RPSA2: variants seen among roughly 807,000 people sequenced by gnomAD.
The protein encoded by RPSA2 is ribosomal protein SA 2, also known as small ribosomal subunit protein uS2B.
chr19:23,783,388 C>T, the RPSA2 span, among the ~76,000 whole-genome samples: 1 of 152,040 alleles, frequency 6.6e-6, no homozygotes, highest in Non-Finnish European at 1.5e-5. Flanking sequence ...TGCCACCACA[C>T]CTGGCTGGAA....
At chr19:23,827,345 G>T in the RPSA2 span, 2 of 1,587,342 alleles carry the variant, frequency 1.3e-6, no homozygotes, top group Non-Finnish European at 1.7e-6. Flanking sequence ...TCTGCTGGCA[G>T]CTCGTGCTAT....
At chr19:23,857,600 C>G in the RPSA2 span, among the ~76,000 whole-genome samples, 1 of 147,492 alleles carries the variant, frequency 6.8e-6, no homozygotes, top group South Asian at 2.2e-4. Flanking sequence ...AAGAGATTCT[C>G]CTGCCTCAGC....
the RPSA2 span, chr19:23,832,587 C>T: frequency 1.7e-6 from 2 of 1,186,526 alleles, no homozygotes; most frequent in Non-Finnish European, 2.3e-6. Context: ...TTTAGCCAGT[C>T]CCCATACCTT....
At chr19:23,832,203 CA>C in the RPSA2 span, 1 of 427,826 alleles carries the variant, frequency 2.3e-6, no homozygotes, top group Middle Eastern at 3.6e-4. Context: ...AGAGGATGCA[CA>C]GAAGAAAGAA....
the RPSA2 span, chr19:23,843,376 G>T: frequency 6.5e-6 from 1 of 154,750 alleles, no homozygotes; most frequent in Non-Finnish European, 1.5e-5. Flanking sequence ...TGCTTCAATG[G>T]AAAGGTTCCT....
chr19:23,793,205 GCTTTCTTTTTTT>G, the RPSA2 span, among the ~76,000 whole-genome samples: 1 of 148,300 alleles, frequency 6.7e-6, no homozygotes, highest in Non-Finnish European at 1.5e-5. Context: ...GAAAGAGGTG[GCTTTCTTTTTTT>G]TTTTTTTTTT....
the RPSA2 span, among the ~76,000 whole-genome samples, chr19:23,852,346 AC>A: frequency 0.01 from 1 of 98 alleles, no homozygotes; most frequent in Non-Finnish European, 0.062. Context: ...GGAATTAAAG[AC>A]ACACACACAC....
the RPSA2 span, among the ~76,000 whole-genome samples, chr19:23,805,794 T>TA: frequency 6.6e-6 from 1 of 152,180 alleles, no homozygotes; most frequent in African/African-American, 2.4e-5. Context: ...TTTTTCTCCC[T>TA]AATGAGTTTT....
the RPSA2 span, among the ~76,000 whole-genome samples, chr19:23,800,506 A>G: frequency 3.3e-5 from 5 of 152,222 alleles, no homozygotes; most frequent in Non-Finnish European, 7.3e-5. Flanking sequence ...GTTATGCTGT[A>G]AAGTGCATAC....
At chr19:23,816,159 GGGTCTCAC>G in the RPSA2 span, among the ~76,000 whole-genome samples, 2 of 151,748 alleles carry the variant, frequency 1.3e-5, no homozygotes, top group Admixed American at 1.3e-4. Flanking sequence ...TTTTGAGATA[GGGTCTCAC>G]TCTGTCAACC....
chr19:23,796,826 C>T, the RPSA2 span, among the ~76,000 whole-genome samples: 3 of 143,994 alleles, frequency 2.1e-5, no homozygotes, highest in Admixed American at 7.1e-5. Context: ...TGGATCATCC[C>T]TTCTTCCTTC....
chr19:23,839,080 G>A, the RPSA2 span, among the ~76,000 whole-genome samples: 1 of 152,070 alleles, frequency 6.6e-6, no homozygotes, highest in South Asian at 2.1e-4. Context: ...TTAGGGCTAT[G>A]AACTTTCCTG....
At chr19:23,839,066 G>T in the RPSA2 span, among the ~76,000 whole-genome samples, 2 of 152,080 alleles carry the variant, frequency 1.3e-5, no homozygotes, top group Non-Finnish European at 2.9e-5. Flanking sequence ...TTTGATGTAG[G>T]CATTTAGGGC....
At chr19:23,835,770 A>T in the RPSA2 span, among the ~76,000 whole-genome samples, 2 of 151,978 alleles carry the variant, frequency 1.3e-5, no homozygotes, top group South Asian at 4.2e-4. Context: ...AGTAGCTGGG[A>T]TTACATGTGC....
chr19:23,776,840 A>G, the RPSA2 span, among the ~76,000 whole-genome samples: 1 of 152,200 alleles, frequency 6.6e-6, no homozygotes, highest in Non-Finnish European at 1.5e-5. Flanking sequence ...GACCCTGCCC[A>G]CAGGGGGCAT....
chr19:23,821,486 G>A, the RPSA2 span, among the ~76,000 whole-genome samples: 2 of 152,196 alleles, frequency 1.3e-5, no homozygotes, highest in African/African-American at 2.4e-5. Context: ...CCTCCCAGAG[G>A]AGGGACTTCT....
the RPSA2 span, among the ~76,000 whole-genome samples, chr19:23,854,230 G>A: frequency 6.6e-6 from 1 of 152,160 alleles, no homozygotes; most frequent in Non-Finnish European, 1.5e-5. Flanking sequence ...TAGCAGAGGT[G>A]GATGCCCTAC....
the RPSA2 span, among the ~76,000 whole-genome samples, chr19:23,796,572 C>T: frequency 6.6e-6 from 1 of 151,984 alleles, no homozygotes; most frequent in Non-Finnish European, 1.5e-5. Flanking sequence ...GTGAATCTGT[C>T]TGGTCCTTGG....
chr19:23,869,401 C>A, the RPSA2 span, among the ~76,000 whole-genome samples: 3 of 118,010 alleles, frequency 2.5e-5, no homozygotes, highest in Admixed American at 2.0e-4. Context: ...GCTAACCAAC[C>A]ATGCCCGGCC....
Sources: gnomAD v4.1 joint callset for allele counts (sites outside exome capture counted in the v4.1 genomes callset) on GRCh38, gnomAD v4.1.1 for gene constraint, MANE v1.5 for transcripts, NCBI Gene and HGNC (gene_info 2026-07-23, HGNC 2026-07-21) for gene names.